Variants in MFSD1 observed in about 807,000 individuals in gnomAD.
MFSD1 encodes lysosomal dipeptide transporter MFSD1.
A neutral mutation model predicts 67.1 loss-of-function variants in MFSD1; 59 were observed. That is an observed-to-expected ratio of 0.88 (90% CI 0.71 to 1.09). The LOEUF is 1.09. MFSD1 is among the 50% of genes least tolerant of loss of function. The pLI is 0.00. For missense variants in MFSD1, 552 were observed against 566.1 expected (o/e 0.97, Z 0.25); for synonymous variants, 213 against 200.3 (o/e 1.06, Z -0.54).
At chr3:158,825,905 C>A in intron 13 of MFSD1, 110 bp from the exon 14 acceptor site, 1 of 765,808 alleles carries the variant, frequency 1.3e-6, no homozygotes, top group Non-Finnish European at 2.2e-6. Flanking sequence ...TTTAAAATAG[C>A]AATTAATAAA....
intron 15 of MFSD1, among the ~76,000 whole-genome samples, chr3:158,827,864 A>G (rs1329290249): frequency 4.6e-5 from 7 of 151,330 alleles, no homozygotes; most frequent in Admixed American, 2.0e-4. Context: ...AAATAATTCA[A>G]TTTAAGTTGT....
intron 5 of MFSD1, among the ~76,000 whole-genome samples, chr3:158,807,903 T>C (rs1274727373): frequency 2.0e-5 from 3 of 152,244 alleles, no homozygotes; most frequent in Non-Finnish European, 4.4e-5. Flanking sequence ...GACTATTCTG[T>C]GTGAATTCTT....
chr3:158,807,213 A>T (rs954299270), intron 4 of MFSD1, 131 bp downstream of exon 4: 2 of 957,136 alleles, frequency 2.1e-6, no homozygotes, highest in African/African-American at 1.6e-5. Context: ...TGCCCATGTG[A>T]TATAATCCAT....
At chr3:158,805,541 G>T (rs1236159575) in intron 3 of MFSD1, 67 bp downstream of exon 3, 4 of 1,157,714 alleles carry the variant, frequency 3.5e-6, no homozygotes, top group Non-Finnish European at 3.9e-6. Context: ...GCTAGATTAA[G>T]GTATTTCTAG....
rs1400675969 is a variant in MFSD1 at position 158,807,443 on chromosome 3, A to G, written c.420A>G (p.Glu140=). ...GGIFNAFWLM[E]FGRFVFGIGG... ...TATTTAATGCTTTTTGGCTGATGGA[A>G]TTTGGAAGATTTGTATTTGGGTAAG... Residue 140 remains glutamate, a synonymous_variant, in exon 5 of 16, where the codon GAA becomes GAG. Transcript: ENST00000415822. 2.5e-6 allele frequency: 4 copies of G among 1,612,148 alleles called. No individual in the cohort carries two copies. The highest frequency in any genetic ancestry group is 3.4e-6 in the Non-Finnish European group (4 of 1,178,574).
chr3:158,805,266 T>C, intron 2 of MFSD1, 96 bp from the exon 3 acceptor site: 1 of 979,596 alleles, frequency 1.0e-6, no homozygotes, highest in Non-Finnish European at 1.6e-6. Flanking sequence ...GAAAGAAGAA[T>C]GTAACTACTT....
At chr3:158,820,722 A>G (rs1028936943) in intron 9 of MFSD1, among the ~76,000 whole-genome samples, 2 of 152,208 alleles carry the variant, frequency 1.3e-5, no homozygotes, top group Non-Finnish European at 2.9e-5. Context: ...AATGAGTGCC[A>G]GCAGGGGAAA....
intron 7 of MFSD1, among the ~76,000 whole-genome samples, chr3:158,815,120 A>G (rs1730255743): frequency 6.6e-6 from 1 of 152,176 alleles, no homozygotes; most frequent in South Asian, 2.1e-4. Context: ...CCAACCAACC[A>G]AACAAAACGT....
intron 1 of MFSD1, among the ~76,000 whole-genome samples, chr3:158,803,348 C>CTCCTTTT (rs1229916457): frequency 6.6e-6 from 1 of 152,054 alleles, no homozygotes; most frequent in Non-Finnish European, 1.5e-5. Context: ...TTCCTTGCAA[C>CTCCTTTT]TCCTTTTTCC....
intron 5 of MFSD1, among the ~76,000 whole-genome samples, chr3:158,808,595 C>G (rs1394705950): frequency 1.3e-5 from 2 of 152,148 alleles, no homozygotes; most frequent in Non-Finnish European, 2.9e-5. Flanking sequence ...CAAGACGACT[C>G]CTTTTGTTGC....
chr3:158,807,271 A>C, intron 4 of MFSD1, 125 bp from the exon 5 acceptor site: 1 of 968,320 alleles, frequency 1.0e-6, no homozygotes, highest in Non-Finnish European at 1.6e-6. Context: ...TTTTAACTTC[A>C]CAGATTTATT....
chr3:158,824,518 G>T (rs1418618974), intron 13 of MFSD1: 1 of 305,126 alleles, frequency 3.3e-6, no homozygotes, highest in African/African-American at 2.2e-5. Context: ...AGAGTCCTGA[G>T]TATATCCTTA....
At chr3:158,804,470 G>A (rs974144272) in intron 2 of MFSD1, 99 bp downstream of exon 2, 16 of 869,764 alleles carry the variant, frequency 1.8e-5, no homozygotes, top group African/African-American at 1.0e-4. Context: ...TCACGTGTCC[G>A]CTGAATCTAT....
At chr3:158,816,753 A>T (rs1327196799) in intron 7 of MFSD1, among the ~76,000 whole-genome samples, 1 of 151,172 alleles carries the variant, frequency 6.6e-6, no homozygotes, top group Non-Finnish European at 1.5e-5. Flanking sequence ...GGTAATGCCT[A>T]GGTTTTCTTC....
At chr3:158,823,604 A>C in intron 12 of MFSD1, 79 bp downstream of exon 12, 1 of 1,060,364 alleles carries the variant, frequency 9.4e-7, no homozygotes, top group Non-Finnish European at 1.5e-6. Flanking sequence ...CCAGATCTGA[A>C]TCTAGTCGTC....
chr3:158,821,669 T>A lies in MFSD1; in HGVS notation c.920+16T>A, dbSNP rs368938426. 6.3e-6 allele frequency: 10 copies of A among 1,591,608 alleles called. No individual in the cohort carries two copies. The South Asian group carries it at 9.0e-5, about 14-fold the overall frequency. On this transcript the variant is annotated intron_variant, in intron 10 of 15. Coordinates refer to ENST00000415822, the MANE Select transcript of MFSD1 (RefSeq NM_022736.4). The stretch of plus-strand genomic sequence containing the variant: ...CAATTAACAGGTATTTTAAAATTAA[T>A]TTTGTAAGTGCCTATTGCATGTGAA...
chr3:158,806,998 T>A (rs1482991679), intron 3 of MFSD1, 42 bp from the exon 4 acceptor site: 3 of 1,527,062 alleles, frequency 2.0e-6, no homozygotes, highest in Non-Finnish European at 2.7e-6. Context: ...ATTTTTTTTT[T>A]CTTTTTCTTT....
chr3:158,822,170 C>A, intron 11 of MFSD1, 30 bp downstream of exon 11: 2 of 1,578,550 alleles, frequency 1.3e-6, no homozygotes, highest in South Asian at 1.1e-5. Flanking sequence ...ATGGTGGGGT[C>A]AGGGCTTCAG....
chr3:158,809,333 T>C (rs1418324036), intron 6 of MFSD1, 46 bp downstream of exon 6: 1 of 1,208,562 alleles, frequency 8.3e-7, no homozygotes, highest in African/African-American at 1.5e-5. Context: ...AAGCAAAAGA[T>C]TAAATCTTAT....
Sources: gnomAD v4.1 joint callset for allele counts (sites outside exome capture counted in the v4.1 genomes callset) on GRCh38, gnomAD v4.1.1 for gene constraint, MANE v1.5 for transcripts, NCBI Gene and HGNC (gene_info 2026-07-23, HGNC 2026-07-21) for gene names.